FTO: variants seen among roughly 807,000 people sequenced by gnomAD.
FTO encodes the protein alpha-ketoglutarate-dependent dioxygenase FTO.
Under a neutral mutation model 63.9 loss-of-function variants are expected in FTO, and 47 were observed. That is an observed-to-expected ratio of 0.74 (90% confidence interval 0.58 to 0.94). The LOEUF is 0.94. FTO is among the 40% of genes least tolerant of loss of function. The pLI is 0.00. For missense variants in FTO, 562 were observed against 618.1 expected (o/e 0.91, Z 0.96); for synonymous variants, 207 against 224.4 (o/e 0.92, Z 0.69).
chr16:53,780,366 C>T (rs1005271937), intron 1 of FTO, among the ~76,000 whole-genome samples: 1 of 152,132 alleles, frequency 6.6e-6, no homozygotes, highest in Non-Finnish European at 1.5e-5. Context: ...CCTAAAATGA[C>T]ACCCACTCAA....
At chr16:53,967,673 G>C (rs1337652667) in intron 8 of FTO, among the ~76,000 whole-genome samples, 1 of 152,214 alleles carries the variant, frequency 6.6e-6, no homozygotes, top group Non-Finnish European at 1.5e-5. Flanking sequence ...GTTGCACTGG[G>C]TGTCAAATCC....
At chr16:53,842,459 AT>A (rs1329603200) in intron 3 of FTO, among the ~76,000 whole-genome samples, 5 of 152,200 alleles carry the variant, frequency 3.3e-5, no homozygotes, top group Non-Finnish European at 5.9e-5. Context: ...CAGGGCTGTG[AT>A]TATAGGCAAA....
intron 8 of FTO, among the ~76,000 whole-genome samples, chr16:54,086,807 T>C (rs2086262995): frequency 6.6e-6 from 1 of 152,236 alleles, no homozygotes; most frequent in East Asian, 1.9e-4. Context: ...TAAAGTTAAA[T>C]GCCTTTAGCA....
chr16:53,736,575 C>A (rs2076395485), intron 1 of FTO, among the ~76,000 whole-genome samples: 1 of 152,156 alleles, frequency 6.6e-6, no homozygotes, highest in African/African-American at 2.4e-5. Context: ...ATACCTCCTT[C>A]CAGCACAGTT....
chr16:53,876,222 T>A (rs1317332421), intron 5 of FTO, among the ~76,000 whole-genome samples: 5 of 152,202 alleles, frequency 3.3e-5, no homozygotes, highest in Non-Finnish European at 2.9e-5. Context: ...GTTACTCTTT[T>A]GGTGATATTT....
intron 1 of FTO, among the ~76,000 whole-genome samples, chr16:53,805,639 G>A (rs921653672): frequency 1.3e-5 from 2 of 151,948 alleles, no homozygotes; most frequent in African/African-American, 2.4e-5. Context: ...TCGTAGAGAC[G>A]GGTTTTTACC....
chr16:53,757,264 G>A (rs1452923825), intron 1 of FTO, among the ~76,000 whole-genome samples: 3 of 152,060 alleles, frequency 2.0e-5, no homozygotes, highest in African/African-American at 7.2e-5. Flanking sequence ...CAATTTTCAA[G>A]TATATAATAC....
intron 1 of FTO, among the ~76,000 whole-genome samples, chr16:53,716,230 A>C (rs145067589): frequency 1.8e-3 from 279 of 152,240 alleles, no homozygotes; most frequent in African/African-American, 6.6e-3. Flanking sequence ...CCCTAGGGGG[A>C]TAGTCAAAGG....
intron 8 of FTO, among the ~76,000 whole-genome samples, chr16:53,990,161 TA>T (rs1483272291): frequency 6.6e-6 from 1 of 152,194 alleles, no homozygotes; most frequent in Non-Finnish European, 1.5e-5. Context: ...CCCCAATCCC[TA>T]CACTGTTCAA....
chr16:53,714,794 G>A (rs1260763769), intron 1 of FTO, among the ~76,000 whole-genome samples: 10 of 152,118 alleles, frequency 6.6e-5, no homozygotes, highest in Admixed American at 6.6e-4. Flanking sequence ...CCACAGCCAG[G>A]CAGAGGAGTT....
intron 1 of FTO, among the ~76,000 whole-genome samples, chr16:53,759,693 CAAAAAAAAAA>C (rs758376530): frequency 3.5e-5 from 1 of 28,516 alleles, no homozygotes; most frequent in Admixed American, 3.5e-4. Context: ...GACTCCTTCT[CAAAAAAAAAA>C]AAAAAAAAAA....
chr16:53,914,288 T>A (rs1440040508), intron 7 of FTO, among the ~76,000 whole-genome samples: 1 of 151,912 alleles, frequency 6.6e-6, no homozygotes, highest in East Asian at 1.9e-4. Context: ...TTTCAAATTC[T>A]GTTTCGGAGT....
intron 2 of FTO, among the ~76,000 whole-genome samples, chr16:53,820,101 C>T (rs1008766750): frequency 4.0e-5 from 6 of 150,772 alleles, no homozygotes; most frequent in Middle Eastern, 3.4e-3. Flanking sequence ...CTCTACCTCC[C>T]GGGTTCAGGT....
In FTO at chr16:53,970,890, A is replaced by G. The variant is rs139765121; in HGVS notation, c.1364+36781A>G. Among the ~76,000 whole-genome samples, 8 of 152,356 alleles carry G rather than the reference A, an allele frequency of 5.3e-5. No homozygotes were observed. In the East Asian group the frequency reaches 1.2e-3, roughly 22 times the overall value. The stretch of plus-strand genomic sequence containing the variant: ...GTTGCTAGTTTGCACACACTTATAT[A>G]CATAATGCAGAACATAAGTGGGAAT... On this transcript the variant is annotated intron_variant, in intron 8 of 8. Transcript: ENST00000471389.
At chr16:54,065,098 CATTTTATTTTATTTTATTTTATTTT>C (rs36221204) in intron 8 of FTO, among the ~76,000 whole-genome samples, 8,023 of 122,426 alleles carry the variant, frequency 0.066, 329 homozygotes, top group East Asian at 0.16. Context: ...GTTAGCATAA[CATTTTATTTTATTTTATTTTATTTT>C]ATTTTATTTT....
chr16:53,885,955 A>G (rs539085836), intron 6 of FTO, among the ~76,000 whole-genome samples: 4 of 152,204 alleles, frequency 2.6e-5, no homozygotes, highest in African/African-American at 7.2e-5. Flanking sequence ...AGGTCTCACT[A>G]TGTTGCCCAG....
intron 8 of FTO, among the ~76,000 whole-genome samples, chr16:54,058,526 G>A (rs1431900071): frequency 6.6e-6 from 1 of 152,192 alleles, no homozygotes; most frequent in East Asian, 1.9e-4. Flanking sequence ...GGTACCAAAA[G>A]CCCCAGTAAT....
At chr16:53,902,920 C>T (rs1567417065) in intron 7 of FTO, among the ~76,000 whole-genome samples, 1 of 152,140 alleles carries the variant, frequency 6.6e-6, no homozygotes, top group Non-Finnish European at 1.5e-5. Flanking sequence ...TCAAGACCAG[C>T]AACATAGCAA....
chr16:53,840,328 C>G (rs1253528687), intron 3 of FTO, among the ~76,000 whole-genome samples: 2 of 152,130 alleles, frequency 1.3e-5, no homozygotes, highest in East Asian at 3.9e-4. Flanking sequence ...CTAAGGTGAT[C>G]TGGATATCAA....
Sources: gnomAD v4.1 joint callset for allele counts (sites outside exome capture counted in the v4.1 genomes callset) on GRCh38, gnomAD v4.1.1 for gene constraint, MANE v1.5 for transcripts, NCBI Gene and HGNC (gene_info 2026-07-23, HGNC 2026-07-21) for gene names.